MAP3K4: variants seen among roughly 807,000 people sequenced by gnomAD.
The protein encoded by MAP3K4 is MAP three kinase 1.
MAP3K4 carries 67 observed loss-of-function variants against 185.6 expected under a neutral mutation model. That is an observed-to-expected ratio of 0.36 (90% confidence interval 0.30 to 0.44). The LOEUF (loss-of-function observed/expected upper bound fraction) is 0.44, where lower values mean the gene tolerates loss of function less well. MAP3K4 is among the 20% of genes least tolerant of loss of function. MAP3K4 has a pLI of 1.00. For synonymous variants in MAP3K4, 702 were observed against 710.4 expected (o/e 0.99, Z 0.19); for missense variants, 1,551 against 1,995.1 (o/e 0.78, Z 4.24).
intron 1 of MAP3K4, among the ~76,000 whole-genome samples, chr6:161,013,586 G>A (rs1781948012): frequency 6.6e-6 from 1 of 152,164 alleles, no homozygotes; most frequent in South Asian, 2.1e-4. Context: ...GCCCATGAGG[G>A]TTCTTGGCTT....
chr6:161,065,932 C>T (rs559510415), intron 3 of MAP3K4, among the ~76,000 whole-genome samples: 18 of 46,442 alleles, frequency 3.9e-4, no homozygotes, highest in South Asian at 2.8e-3. Flanking sequence ...AGCAAGACTC[C>T]GTCTCAAAAA....
Position 161,107,283 on chromosome 6 carries a change from C to A in MAP3K4, c.4048+578C>A, listed in dbSNP as rs1245687876. Among the ~76,000 whole-genome samples, 1 of 152,086 alleles carries A rather than the reference C, an allele frequency of 6.6e-6. No homozygotes were observed. Among genetic ancestry groups the A allele is most frequent in the African/African-American group, 2.4e-5 (1 of 41,406 alleles). ...GTCACACATCTAGGTCTGAAGGGGG[C>A]GAACACAGTTGTATGAATAATATGG... On this transcript the variant is annotated intron_variant, in intron 20 of 26. Transcript: ENST00000392142. The surrounding 1 kb of genome is among the most constrained non-coding windows in gnomAD (Gnocchi z 6.2).
At chr6:160,999,319 C>T (rs1322411711) in intron 1 of MAP3K4, among the ~76,000 whole-genome samples, 1 of 152,026 alleles carries the variant, frequency 6.6e-6, no homozygotes, top group Non-Finnish European at 1.5e-5. Context: ...AACTTTTGGA[C>T]GATAGTACAT....
intron 1 of MAP3K4, among the ~76,000 whole-genome samples, chr6:161,004,040 A>G (rs555260015): frequency 6.6e-6 from 1 of 152,166 alleles, no homozygotes; most frequent in Admixed American, 6.5e-5. Flanking sequence ...TATGCCAACA[A>G]TATACCAAGC....
chr6:161,030,541 G>A (rs745894250), intron 1 of MAP3K4, among the ~76,000 whole-genome samples: 19 of 151,996 alleles, frequency 1.3e-4, no homozygotes, highest in African/African-American at 7.3e-5. Flanking sequence ...GTCTCCTTGA[G>A]TAGCTGGGAC....
chr6:161,068,663 A>G (rs1027472849), intron 3 of MAP3K4, among the ~76,000 whole-genome samples: 1 of 152,216 alleles, frequency 6.6e-6, no homozygotes, highest in African/African-American at 2.4e-5. Flanking sequence ...TTGAAGATCC[A>G]CTGTGAGTTA....
chr6:161,002,734 G>A (rs982161389), intron 1 of MAP3K4, among the ~76,000 whole-genome samples: 2 of 151,714 alleles, frequency 1.3e-5, no homozygotes. Context: ...TGGGACTACA[G>A]GCGCCTGCCA....
intron 1 of MAP3K4, among the ~76,000 whole-genome samples, chr6:160,999,791 C>T (rs1421743055): frequency 2.6e-5 from 4 of 152,056 alleles, no homozygotes; most frequent in African/African-American, 9.7e-5. Context: ...ACTTGGCAAC[C>T]GTGAAATGCT....
At chr6:161,001,175 CATAT>C (rs1183604183) in intron 1 of MAP3K4, among the ~76,000 whole-genome samples, 1 of 147,494 alleles carries the variant, frequency 6.8e-6, no homozygotes. Context: ...TATGTGTACA[CATAT>C]ATAAGAAATC....
Position 161,106,586 on chromosome 6 carries a change from G to A in MAP3K4, c.3929G>A (p.Arg1310Gln), listed in dbSNP as rs200121071. 3.3e-5 allele frequency: 53 copies of A among 1,613,956 alleles called. 1 individual carries two copies. Among genetic ancestry groups the A allele is most frequent in the East Asian group, 8.9e-5 (4 of 44,862 alleles). The stretch of plus-strand genomic sequence containing the variant: ...CGATTGTTTGAAGAAAAGAGGTACC[G>A]AGAAATGAGGAGAAAGAATATCATT... ...SVRLFEEKRYREMRRKNIIGQ... is the reference protein window; with the variant it reads ...SVRLFEEKRYQEMRRKNIIGQ... Residue 1310 changes from arginine to glutamine, a missense_variant, in exon 20 of 27, where the codon CGA (arginine) becomes CAA (glutamine). Physicochemically the swap from Arg to Gln is conservative, Grantham distance 43 (BLOSUM62 1). This residue lies in a region of MAP3K4 where 272 missense variants were observed against 301.2 expected (regional missense o/e 0.90). Coordinates refer to ENST00000392142, the MANE Select transcript of MAP3K4 (RefSeq NM_005922.4). This position sits in a 1 kb window ranked among gnomAD's most constrained non-coding sequence, Gnocchi z 4.9.
intron 4 of MAP3K4, among the ~76,000 whole-genome samples, chr6:161,072,379 A>G (rs1294663826): frequency 2.0e-5 from 3 of 152,188 alleles, no homozygotes; most frequent in Non-Finnish European, 4.4e-5. Context: ...ATTTCTATCC[A>G]TTTGTTTTTC....
At position 161,105,548 on chromosome 6, in the gene MAP3K4, A is replaced by G. The variant is rs77502498; in HGVS notation, c.3857-966A>G. Among the ~76,000 whole-genome samples the G allele has an allele frequency of 5.1e-3, 773 of 152,314 alleles. 4 individuals carry two copies. Among genetic ancestry groups the G allele is most frequent in the Non-Finnish European group, 7.4e-3 (501 of 68,026 alleles). On this transcript the variant is annotated intron_variant, in intron 19 of 26. Coordinates refer to ENST00000392142, the MANE Select transcript of MAP3K4 (RefSeq NM_005922.4). ...CTGTACTCTTCCCAGAGAAGGGAAA[A>G]TCCTTCTCATCAGAGATGGCTTCCT...
chr6:161,111,661 A>T (rs1173152483), intron 23 of MAP3K4, among the ~76,000 whole-genome samples, 175 bp from the exon 24 acceptor site: 1 of 152,198 alleles, frequency 6.6e-6, no homozygotes, highest in Non-Finnish European at 1.5e-5. Context: ...GCTTTTTATT[A>T]AAATTTGTGA....
rs1422403207 is a variant in MAP3K4 at position 161,063,998 on chromosome 6, G to A, written c.1708-6610G>A. Among the ~76,000 whole-genome samples, 2 of 152,048 alleles carry A rather than the reference G, an allele frequency of 1.3e-5. No individual in the cohort carries two copies. The highest frequency in any genetic ancestry group is 1.3e-4 in the Admixed American group (2 of 15,262). ...CCCCTTTTCATCTAGTTTTGTTGGA[G>A]GTTTGTCTCACAGAGTTTTGGTTTT... On this transcript the variant is annotated intron_variant, in intron 3 of 26. Coordinates refer to ENST00000392142, the MANE Select transcript of MAP3K4 (RefSeq NM_005922.4). The surrounding 1 kb of genome is among the most constrained non-coding windows in gnomAD (Gnocchi z 5.4).
intron 1 of MAP3K4, among the ~76,000 whole-genome samples, chr6:161,012,631 G>A (rs1280425266): frequency 2.0e-5 from 3 of 152,098 alleles, no homozygotes; most frequent in East Asian, 1.9e-4. Flanking sequence ...TTTAAGAGAC[G>A]TATTAGTGCA....
In MAP3K4 at chr6:161,056,504, G is replaced by A. The variant is rs937639527; in HGVS notation, c.1707+6525G>A. 6.6e-5 allele frequency among the ~76,000 whole-genome samples: 10 copies of A among 152,084 alleles called. No homozygotes were observed. The highest frequency in any genetic ancestry group is 2.4e-4 in the African/African-American group (10 of 41,414). On this transcript the variant is annotated intron_variant, in intron 3 of 26. Coordinates refer to ENST00000392142, the MANE Select transcript of MAP3K4 (RefSeq NM_005922.4). The surrounding 1 kb of genome is among the most constrained non-coding windows in gnomAD (Gnocchi z 5.4). ...TCTGATTCAGCACAAGGTTCATTCCGACTTTCCTCCCTTGCTTATCTGTAA... is the reference window on the plus strand; with the variant it reads ...TCTGATTCAGCACAAGGTTCATTCCAACTTTCCTCCCTTGCTTATCTGTAA...
Position 161,106,784 on chromosome 6 carries a change from TA to T in MAP3K4, c.4048+80del. On this transcript the variant is annotated intron_variant, in intron 20 of 26. Transcript: ENST00000392142. The surrounding 1 kb of genome is among the most constrained non-coding windows in gnomAD (Gnocchi z 4.9). ...AGTTATACTTCTTTAGGTTGAATCC[TA>T]TAGAGTTGGCCCTTTTTTCTTGTAG... 5 of 1,199,922 alleles carry T rather than the reference TA, an allele frequency of 4.2e-6. No individual in the cohort carries two copies. Among genetic ancestry groups the T allele is most frequent in the Non-Finnish European group, 5.7e-6 (5 of 874,236 alleles). The allele number at this position is 1,199,922 out of a possible 1,614,324, so 74.3% of individuals were successfully genotyped here. A position where few individuals can be genotyped will look rare whatever the true frequency, so the allele number is the denominator to read the frequency against.
rs1440218447 is a variant in MAP3K4 at position 161,097,054 on chromosome 6, G to T, written c.3428-26G>T. 1 of 1,586,240 alleles carries T rather than the reference G, an allele frequency of 6.3e-7. No individual in the cohort carries two copies. Among genetic ancestry groups the T allele is most frequent in the Non-Finnish European group, 8.7e-7 (1 of 1,154,918 alleles). ...TTTCTGTGGACCATATTAACAAGTT[G>T]CATTTGTTGCCATTTTTGCTGGCAG... On this transcript the variant is annotated intron_variant, in intron 15 of 26. Transcript: ENST00000392142. This position sits in a 1 kb window ranked among gnomAD's most constrained non-coding sequence, Gnocchi z 4.9.
chr6:161,037,953 A>G lies in MAP3K4; in HGVS notation c.343+3504A>G, dbSNP rs1008431147. ...TCCTAGTCCTTCGCTTTATCTCACT[A>G]CATAATGCTGCTAGTACATTTTTTT... On this transcript the variant is annotated intron_variant, in intron 2 of 26. Transcript: ENST00000392142. The surrounding 1 kb of genome is among the most constrained non-coding windows in gnomAD (Gnocchi z 4.2). Among the ~76,000 whole-genome samples, 1 of 151,926 alleles carries G rather than the reference A, an allele frequency of 6.6e-6. No individual in the cohort carries two copies. The highest frequency in any genetic ancestry group is 1.5e-5 in the Non-Finnish European group (1 of 67,994).
Sources: allele counts gnomAD v4.1 joint callset (sites outside exome capture counted in the v4.1 genomes callset), GRCh38; gene constraint gnomAD v4.1.1; regional missense constraint gnomAD v4.1.1; non-coding constraint Gnocchi (gnomAD v3.1); transcripts MANE v1.5; gene names NCBI Gene and HGNC (gene_info 2026-07-23, HGNC 2026-07-21).